SMAP2: variants seen among roughly 807,000 people sequenced by gnomAD.
SMAP2 encodes small ArfGAP2, also known as stromal membrane-associated protein 2.
In SMAP2, 25 loss-of-function variants were observed where a neutral mutation model predicts 56.4. That is an observed-to-expected ratio of 0.44 (90% CI 0.32 to 0.62). The LOEUF (loss-of-function observed/expected upper bound fraction) is 0.62, where lower values mean the gene tolerates loss of function less well. SMAP2 is among the 20% of genes least tolerant of loss of function. The probability of loss-of-function intolerance (pLI) is 0.04; values close to 1 mark genes in which losing one functional copy is unlikely to be tolerated. For missense variants in SMAP2, 388 were observed against 545.6 expected (o/e 0.71, Z 2.88); for synonymous variants, 157 against 181.7 (o/e 0.86, Z 1.09).
Position 40,374,577 on chromosome 1 carries a change from T to TTGCG in SMAP2, c.103+373_103+376dup, listed in dbSNP as rs200385638. 6,082 of 922,096 alleles carry TTGCG rather than the reference T, an allele frequency of 6.6e-3. 205 individuals are homozygous for TTGCG. In the African/African-American group the frequency reaches 0.069, roughly 11 times the overall value. 57.1% of individuals were successfully genotyped at this position (922,096 alleles called of 1,614,324 possible). On this transcript the variant is annotated intron_variant, in intron 1 of 9. Transcript: ENST00000372718. This position sits in a 1 kb window ranked among gnomAD's most constrained non-coding sequence, Gnocchi z 5.9. ...CTTGCAAAGCTGGGGATGAACTGCA[T>TTGCG]TGCGTGCGTGCGTGCGTGCGTGTGT... is the stretch of plus-strand genomic sequence containing the variant.
intron 7 of SMAP2, among the ~76,000 whole-genome samples, chr1:40,415,745 G>A (rs1209970738): frequency 1.3e-5 from 2 of 152,216 alleles, no homozygotes; most frequent in African/African-American, 4.8e-5. Context: ...CTCAGGCACA[G>A]TGTGAGGTGG....
chr1:40,413,577 T>C (rs1569916877), intron 5 of SMAP2, among the ~76,000 whole-genome samples: 1 of 152,364 alleles, frequency 6.6e-6, no homozygotes, highest in South Asian at 2.1e-4. Flanking sequence ...ACAGGACATA[T>C]TGTGGCTGTA....
chr1:40,419,430 G>A (rs777859298), intron 9 of SMAP2, among the ~76,000 whole-genome samples: 7 of 151,822 alleles, frequency 4.6e-5, no homozygotes, highest in Non-Finnish European at 5.9e-5. Context: ...ACAGGCACCC[G>A]CCACCACACC....
At chr1:40,412,917 A>C in intron 4 of SMAP2, 99 bp from the exon 5 acceptor site, 1 of 830,854 alleles carries the variant, frequency 1.2e-6, no homozygotes, top group Non-Finnish European at 1.9e-6. Flanking sequence ...CAGAATCAAT[A>C]GGGATTGGAG....
At chr1:40,396,568 C>T (rs1013247308) in intron 1 of SMAP2, among the ~76,000 whole-genome samples, 4 of 152,088 alleles carry the variant, frequency 2.6e-5, no homozygotes, top group Non-Finnish European at 4.4e-5. Flanking sequence ...TTTTGACAAA[C>T]GGAAACAACA....
Position 40,417,046 on chromosome 1 carries a change from A to C in SMAP2, c.1114A>C (p.Thr372Pro). ...GGCAGGCATGGCAGCTATGCCCCAG[A>C]CTGTGTATGGGGTCCAGCCAGCTCA... is the stretch of plus-strand genomic sequence containing the variant. ...YMAGMAAMPQ[T>P]VYGVQPAQQL... is the part of the protein sequence containing the mutation. The change falls in exon 9 of 10, where the codon ACT (threonine) becomes CCT (proline). Residue 372 changes from threonine (T) to proline (P), a missense_variant. Transcript: ENST00000372718. 1.2e-6 allele frequency: 2 copies of C among 1,613,836 alleles called. No homozygotes were observed. The highest frequency in any genetic ancestry group is 1.7e-6 in the Non-Finnish European group (2 of 1,179,846).
intron 5 of SMAP2, among the ~76,000 whole-genome samples, chr1:40,413,335 C>T (rs1644956411): frequency 1.3e-5 from 2 of 152,174 alleles, no homozygotes; most frequent in African/African-American, 4.8e-5. Context: ...TCAGGAAATG[C>T]ATCTGTTCCA....
intron 1 of SMAP2, among the ~76,000 whole-genome samples, chr1:40,395,432 A>G (rs1644761081): frequency 6.6e-6 from 1 of 152,174 alleles, no homozygotes; most frequent in African/African-American, 2.4e-5. Flanking sequence ...CTGTAATCCC[A>G]GTACTTTGGG....
At position 40,386,435 on chromosome 1, in the gene SMAP2, A is replaced by G. The variant is rs532383106; in HGVS notation, c.103+12212A>G. ...TTAACATTCCCAGATTATATGAAAGAGAAAGGAAGCTTCATTAAATGAAAC... is the reference window on the plus strand; with the variant it reads ...TTAACATTCCCAGATTATATGAAAGGGAAAGGAAGCTTCATTAAATGAAAC... On this transcript the variant is annotated intron_variant, in intron 1 of 9. Coordinates refer to ENST00000372718, the MANE Select transcript of SMAP2 (RefSeq NM_022733.3). The surrounding 1 kb of genome is among the most constrained non-coding windows in gnomAD (Gnocchi z 4.1). Among the ~76,000 whole-genome samples the G allele has an allele frequency of 3.9e-5, 6 of 152,328 alleles. 1 individual carries two copies. In the South Asian group the frequency reaches 1.2e-3, roughly 32 times the overall value.
At position 40,378,607 on chromosome 1, in the gene SMAP2, C is replaced by T. The variant is rs538490543; in HGVS notation, c.103+4384C>T. ...GATTACAGGTGTGACACACCATACC[C>T]GGCAGAGCAAAGAGTTAAGAGTACA... On this transcript the variant is annotated intron_variant, in intron 1 of 9. Coordinates refer to ENST00000372718, the MANE Select transcript of SMAP2 (RefSeq NM_022733.3). 3.3e-5 allele frequency among the ~76,000 whole-genome samples: 5 copies of T among 152,160 alleles called. No individual in the cohort carries two copies. In the South Asian group the frequency reaches 6.2e-4, roughly 19 times the overall value.
At chr1:40,376,043 C>T (rs968386281) in intron 1 of SMAP2, among the ~76,000 whole-genome samples, 7 of 152,024 alleles carry the variant, frequency 4.6e-5, no homozygotes, top group African/African-American at 1.2e-4. Flanking sequence ...CTCTGCCTCC[C>T]GGGTTCAAGT....
At chr1:40,421,774 G>T (rs576390993) in intron 9 of SMAP2, among the ~76,000 whole-genome samples, 10 of 152,288 alleles carry the variant, frequency 6.6e-5, no homozygotes, top group African/African-American at 2.4e-4. Flanking sequence ...GTCTCCGTCA[G>T]CATTGCACTC....
intron 6 of SMAP2, 113 bp from the exon 7 acceptor site, chr1:40,415,159 C>T (rs1252716003): frequency 5.2e-6 from 4 of 775,552 alleles, no homozygotes; most frequent in Non-Finnish European, 6.5e-6. Context: ...TTCCAGAAGT[C>T]TAGATTTCTA....
intron 1 of SMAP2, among the ~76,000 whole-genome samples, chr1:40,376,651 G>A (rs747992565): frequency 6.6e-6 from 1 of 152,178 alleles, no homozygotes; most frequent in Non-Finnish European, 1.5e-5. Flanking sequence ...AGGAAAAGAC[G>A]TTTGGATCAA....
chr1:40,400,627 A>G (rs1443896742), intron 1 of SMAP2, among the ~76,000 whole-genome samples: 3 of 152,128 alleles, frequency 2.0e-5, no homozygotes, highest in Non-Finnish European at 4.4e-5. Flanking sequence ...AATGGAATGG[A>G]TGGAGGTGTA....
chr1:40,415,179 G>A, intron 6 of SMAP2, 93 bp from the exon 7 acceptor site: 2 of 927,028 alleles, frequency 2.2e-6, no homozygotes, highest in East Asian at 2.4e-5. Context: ...AGGTCCATGA[G>A]CTTATGGGCC....
chr1:40,359,437 A>G (rs1371221093), intron 1 of SMAP2, among the ~76,000 whole-genome samples: 1 of 152,196 alleles, frequency 6.6e-6, no homozygotes, highest in Non-Finnish European at 1.5e-5. Context: ...TGTATGCAAC[A>G]GATCACCAGG....
rs1355351307 is a variant in SMAP2 at position 40,374,809 on chromosome 1, T to C, written c.103+586T>C. On this transcript the variant is annotated intron_variant, in intron 1 of 9. Coordinates refer to ENST00000372718, the MANE Select transcript of SMAP2 (RefSeq NM_022733.3). The surrounding 1 kb of genome is among the most constrained non-coding windows in gnomAD (Gnocchi z 5.9). The stretch of plus-strand genomic sequence containing the variant: ...GCTTAGGTGACTTTATTCTTCTGGA[T>C]GTGTGCAGTGGGAAACTGCCTTATG... 8.4e-6 allele frequency: 13 copies of C among 1,549,730 alleles called. No homozygotes were observed. Among genetic ancestry groups the C allele is most frequent in the Non-Finnish European group, 1.0e-5 (12 of 1,146,492 alleles).
intron 4 of SMAP2, among the ~76,000 whole-genome samples, chr1:40,412,543 T>G (rs1178800653): frequency 1.3e-5 from 2 of 152,178 alleles, no homozygotes; most frequent in Non-Finnish European, 2.9e-5. Flanking sequence ...AACTTGAAAT[T>G]AAGGTTTATT....
Sources: gnomAD v4.1 joint callset for allele counts (sites outside exome capture counted in the v4.1 genomes callset) on GRCh38, gnomAD v4.1.1 for gene constraint, Gnocchi (gnomAD v3.1) non-coding constraint, MANE v1.5 for transcripts, NCBI Gene and HGNC (gene_info 2026-07-23, HGNC 2026-07-21) for gene names.